ACTN1: variants seen among roughly 807,000 people sequenced by gnomAD.
The protein encoded by ACTN1 is alpha-actinin-1.
In ACTN1, 30 loss-of-function variants were observed where a neutral mutation model predicts 119.6. The observed-to-expected ratio is 0.25, with a 90% CI of 0.19 to 0.34. The LOEUF is 0.34. Among genes scored for constraint, ACTN1 ranks in the 10% least tolerant of loss-of-function variants. The probability of loss-of-function intolerance (pLI) is 1.00; values close to 1 mark genes in which losing one functional copy is unlikely to be tolerated. For missense variants in ACTN1, 764 were observed against 1,223.4 expected (o/e 0.62, Z 5.60); for synonymous variants, 429 against 472.6 (o/e 0.91, Z 1.20).
At chr14:68,932,514 T>TG (rs1566651596) in intron 1 of ACTN1, among the ~76,000 whole-genome samples, 165 of 85,656 alleles carry the variant, frequency 1.9e-3, no homozygotes, top group Non-Finnish European at 3.0e-3. Context: ...TACACCCAGC[T>TG]TTTTTTTTTT....
chr14:68,916,798 A>G (rs541095530), intron 3 of ACTN1, among the ~76,000 whole-genome samples: 54 of 152,310 alleles, frequency 3.5e-4, no homozygotes, highest in Non-Finnish European at 2.1e-4. Flanking sequence ...ACAGCGAGCT[A>G]TGAAGCTGCT....
intron 12 of ACTN1, 69 bp from the exon 13 acceptor site, chr14:68,884,952 A>G: frequency 7.4e-7 from 1 of 1,344,874 alleles, no homozygotes; most frequent in East Asian, 2.3e-5. Context: ...CCTCTCTCTG[A>G]GGCTGTCAGT....
At chr14:68,884,944 T>G in intron 12 of ACTN1, 61 bp from the exon 13 acceptor site, 1 of 1,391,820 alleles carries the variant, frequency 7.2e-7, no homozygotes, top group Non-Finnish European at 1.0e-6. Flanking sequence ...CCCATCTCCC[T>G]CTCTCTGAGG....
At chr14:68,920,956 G>T in intron 3 of ACTN1, 50 bp downstream of exon 3, 1 of 1,606,044 alleles carries the variant, frequency 6.2e-7, no homozygotes, top group South Asian at 1.1e-5. Flanking sequence ...AAGAGAACCA[G>T]GGGGACAAAG....
intron 3 of ACTN1, among the ~76,000 whole-genome samples, chr14:68,913,303 C>T (rs1406951779): frequency 2.0e-5 from 3 of 152,194 alleles, no homozygotes; most frequent in Admixed American, 2.0e-4. Context: ...AATGTAGATT[C>T]CACACCCACT....
chr14:68,949,184 G>A (rs764369615), intron 1 of ACTN1, among the ~76,000 whole-genome samples: 16 of 152,234 alleles, frequency 1.1e-4, no homozygotes, highest in Admixed American at 2.6e-4. Context: ...AGGACAGGAA[G>A]AACTGGAGGC....
chr14:68,961,389 TAGG>T (rs2036534065), intron 1 of ACTN1, among the ~76,000 whole-genome samples: 1 of 152,234 alleles, frequency 6.6e-6, no homozygotes, highest in Non-Finnish European at 1.5e-5. Flanking sequence ...TGGTTATGTT[TAGG>T]AGAAAGGGTC....
intron 1 of ACTN1, among the ~76,000 whole-genome samples, chr14:68,937,190 A>G (rs2140470538): frequency 6.6e-6 from 1 of 151,642 alleles, no homozygotes; most frequent in African/African-American, 2.4e-5. Context: ...CAGAACAGTC[A>G]CTGTCCTTGT....
intron 7 of ACTN1, among the ~76,000 whole-genome samples, chr14:68,903,908 C>T (rs2033504056): frequency 6.6e-6 from 1 of 152,192 alleles, no homozygotes; most frequent in African/African-American, 2.4e-5. Flanking sequence ...CAGCCCCAGG[C>T]CCAATCTTTG....
intron 1 of ACTN1, among the ~76,000 whole-genome samples, chr14:68,951,482 A>T (rs1450156462): frequency 1.3e-5 from 2 of 152,130 alleles, no homozygotes; most frequent in African/African-American, 2.4e-5. Context: ...CTCCCAACAT[A>T]AATGCCCAAG....
chr14:68,974,333 G>A (rs2036992242), intron 1 of ACTN1: 1 of 152,772 alleles, frequency 6.5e-6, no homozygotes, highest in African/African-American at 2.4e-5. Flanking sequence ...TGTAATCCCA[G>A]CACTTTGGGA....
At chr14:68,892,668 A>C (rs1333492466) in intron 9 of ACTN1, among the ~76,000 whole-genome samples, 1 of 152,188 alleles carries the variant, frequency 6.6e-6, no homozygotes, top group East Asian at 1.9e-4. Flanking sequence ...GGAGGGGGTT[A>C]ACAGCTATTT....
At chr14:68,949,473 C>T (rs959408223) in intron 1 of ACTN1, among the ~76,000 whole-genome samples, 2 of 152,184 alleles carry the variant, frequency 1.3e-5, no homozygotes, top group African/African-American at 4.8e-5. Context: ...CTGTGGCAGG[C>T]CTGGCGCTGG....
chr14:68,929,053 G>A (rs868397724), intron 1 of ACTN1, among the ~76,000 whole-genome samples: 4 of 151,510 alleles, frequency 2.6e-5, no homozygotes, highest in African/African-American at 9.7e-5. Context: ...GGAGAGGGCT[G>A]GAACTGTGGC....
At chr14:68,951,136 C>T (rs1043625208) in intron 1 of ACTN1, among the ~76,000 whole-genome samples, 54 of 152,164 alleles carry the variant, frequency 3.5e-4, no homozygotes, top group Non-Finnish European at 1.5e-4. Context: ...GGCAGGGAAG[C>T]GCCACCCATG....
At chr14:68,968,845 A>C (rs977915977) in intron 1 of ACTN1, among the ~76,000 whole-genome samples, 7 of 152,266 alleles carry the variant, frequency 4.6e-5, no homozygotes, top group African/African-American at 1.4e-4. Context: ...GCCTGGCCCA[A>C]AGCACAGTAC....
chr14:68,924,964 G>A (rs938608668), intron 2 of ACTN1, among the ~76,000 whole-genome samples: 1 of 152,184 alleles, frequency 6.6e-6, no homozygotes, highest in African/African-American at 2.4e-5. Context: ...CATTTCAGAG[G>A]TGGCTCGAGG....
At chr14:68,928,987 A>G (rs2035072089) in intron 1 of ACTN1, among the ~76,000 whole-genome samples, 2 of 151,142 alleles carry the variant, frequency 1.3e-5, no homozygotes, top group South Asian at 4.2e-4. Flanking sequence ...TTCCTGGGAG[A>G]GGGGTGGAAC....
chr14:68,939,116 C>CCCAGAAGGCAGACTGCCCA (rs1479453293), intron 1 of ACTN1, among the ~76,000 whole-genome samples: 40 of 152,340 alleles, frequency 2.6e-4, no homozygotes, highest in African/African-American at 9.4e-4. Flanking sequence ...TCCAAGGCCC[C>CCCAGAAGGCAGACTGCCCA]CCAGAAGGCA....
Sources: gnomAD v4.1 joint callset for allele counts (sites outside exome capture counted in the v4.1 genomes callset) on GRCh38, gnomAD v4.1.1 for gene constraint, MANE v1.5 for transcripts, NCBI Gene and HGNC (gene_info 2026-07-23, HGNC 2026-07-21) for gene names.